The following CAMK1D variants were observed in gnomAD, a reference collection of about 807,000 sequenced individuals.
CAMK1D encodes calcium/calmodulin dependent protein kinase ID, also known as calcium/calmodulin-dependent protein kinase type 1D.
A neutral mutation model predicts 47.7 loss-of-function variants in CAMK1D; 9 were observed. The observed-to-expected ratio is 0.19, with a 90% CI of 0.11 to 0.33. The LOEUF is 0.33. Ranked by LOEUF, CAMK1D falls within the 10% of genes least tolerant of loss-of-function variation. The pLI is 1.00. For synonymous variants in CAMK1D, 184 were observed against 184.9 expected (o/e 0.99, Z 0.04); for missense variants, 291 against 488.7 (o/e 0.60, Z 3.81).
At chr10:12,782,079 A>G (rs1226472687) in intron 5 of CAMK1D, among the ~76,000 whole-genome samples, 2 of 150,476 alleles carry the variant, frequency 1.3e-5, no homozygotes, top group Non-Finnish European at 2.9e-5. Flanking sequence ...GAAGGAGGCT[A>G]TCCCAACAGA....
At chr10:12,572,056 A>C (rs1439592053) in intron 2 of CAMK1D, among the ~76,000 whole-genome samples, 1 of 148,002 alleles carries the variant, frequency 6.8e-6, no homozygotes, top group Non-Finnish European at 1.5e-5. Context: ...CCCAAAAAAA[A>C]AGTTCTGATA....
At chr10:12,726,685 A>C (rs1352427202) in intron 3 of CAMK1D, among the ~76,000 whole-genome samples, 1 of 152,226 alleles carries the variant, frequency 6.6e-6, no homozygotes, top group Admixed American at 6.5e-5. Flanking sequence ...CACTAGTTCC[A>C]TGATGATTGA....
At chr10:12,400,047 T>G (rs1264007895) in intron 1 of CAMK1D, among the ~76,000 whole-genome samples, 1 of 152,106 alleles carries the variant, frequency 6.6e-6, no homozygotes, top group East Asian at 1.9e-4. Context: ...TAATACGGCA[T>G]TCACGGCAAC....
intron 10 of CAMK1D, among the ~76,000 whole-genome samples, chr10:12,828,246 C>T (rs1263730583): frequency 6.6e-6 from 1 of 151,944 alleles, no homozygotes; most frequent in Non-Finnish European, 1.5e-5. Flanking sequence ...GTTAAAATTA[C>T]ACCAAAAAAA....
chr10:12,733,879 A>T (rs151023161), intron 3 of CAMK1D, among the ~76,000 whole-genome samples: 283 of 152,226 alleles, frequency 1.9e-3, no homozygotes, highest in Admixed American at 2.8e-3. Context: ...TTGTATGTAT[A>T]CTCATTTTCT....
At chr10:12,603,512 A>G (rs1838366272) in intron 2 of CAMK1D, among the ~76,000 whole-genome samples, 1 of 152,174 alleles carries the variant, frequency 6.6e-6, no homozygotes, top group South Asian at 2.1e-4. Flanking sequence ...CTGTTGTAAT[A>G]GGTCCTTACC....
intron 3 of CAMK1D, among the ~76,000 whole-genome samples, chr10:12,741,922 G>T (rs1835449738): frequency 6.6e-6 from 1 of 152,152 alleles, no homozygotes; most frequent in African/African-American, 2.4e-5. Flanking sequence ...CCTAGAGAGG[G>T]ATCTTTAGCT....
intron 1 of CAMK1D, among the ~76,000 whole-genome samples, chr10:12,364,182 G>C (rs961807276): frequency 4.0e-5 from 6 of 148,656 alleles, no homozygotes; most frequent in Admixed American, 3.4e-4. Flanking sequence ...CAGGTGAAGA[G>C]GTTGCTAAGA....
chr10:12,806,511 C>T (rs1222777236), intron 6 of CAMK1D, among the ~76,000 whole-genome samples: 25 of 152,252 alleles, frequency 1.6e-4, no homozygotes, highest in Non-Finnish European at 1.6e-4. Context: ...CCACCTGCTC[C>T]ATAGCGTCCA....
intron 2 of CAMK1D, among the ~76,000 whole-genome samples, chr10:12,658,306 CGAA>C (rs1362982220): frequency 6.6e-6 from 1 of 151,736 alleles, no homozygotes; most frequent in Non-Finnish European, 1.5e-5. Context: ...CACTCAGAGA[CGAA>C]GGTGTGCATG....
rs552540713 is a variant in CAMK1D, at chr10:12,690,645, T to G, written c.299+23835T>G. ...AGACGCACAGTTTGTGTGCAGTCTC[T>G]CTAAGCTGGCTGAAACTGGCCTAAG... On this transcript the variant is annotated intron_variant, in intron 3 of 10. Transcript: ENST00000619168. Among the ~76,000 whole-genome samples the G allele has an allele frequency of 3.9e-5, 6 of 152,304 alleles. No homozygotes were observed. The East Asian group carries it at 1.2e-3, about 29-fold the overall frequency.
At chr10:12,527,751 T>C (rs1835674416) in intron 1 of CAMK1D, among the ~76,000 whole-genome samples, 1 of 152,236 alleles carries the variant, frequency 6.6e-6, no homozygotes. Context: ...TGGATACTTC[T>C]TCAACTTTCG....
chr10:12,824,586 T>C, intron 9 of CAMK1D, 34 bp downstream of exon 9: 1 of 1,540,298 alleles, frequency 6.5e-7, no homozygotes, highest in Non-Finnish European at 9.0e-7. Flanking sequence ...CCCCGTGGAT[T>C]AACCCCCTCG....
intron 1 of CAMK1D, among the ~76,000 whole-genome samples, chr10:12,463,783 G>C (rs1247046473): frequency 2.0e-5 from 3 of 151,946 alleles, no homozygotes; most frequent in Admixed American, 1.3e-4. Flanking sequence ...ATAATCCGCA[G>C]GTGTCAAGGG....
intron 1 of CAMK1D, among the ~76,000 whole-genome samples, chr10:12,468,580 C>G (rs1285954431): frequency 6.6e-6 from 1 of 152,092 alleles, no homozygotes; most frequent in Admixed American, 6.5e-5. Context: ...ATGGCATGGA[C>G]AGTAGTAAAA....
At chr10:12,673,206 AATTTTGTTT>A (rs1840687571) in intron 3 of CAMK1D, among the ~76,000 whole-genome samples, 1 of 146,380 alleles carries the variant, frequency 6.8e-6, no homozygotes, top group Non-Finnish European at 1.5e-5. Flanking sequence ...TGCTTGTGGG[AATTTTGTTT>A]GAGCTTACGT....
intron 6 of CAMK1D, among the ~76,000 whole-genome samples, chr10:12,795,515 C>T (rs1321046387): frequency 6.6e-6 from 1 of 152,218 alleles, no homozygotes; most frequent in Non-Finnish European, 1.5e-5. Context: ...CCTCATTCTT[C>T]CCAGCCACTG....
chr10:12,472,593 C>T (rs904054118), intron 1 of CAMK1D, among the ~76,000 whole-genome samples: 17 of 152,070 alleles, frequency 1.1e-4, no homozygotes, highest in African/African-American at 3.1e-4. Flanking sequence ...GACATGATCT[C>T]GGCTCACTGT....
intron 1 of CAMK1D, among the ~76,000 whole-genome samples, chr10:12,416,901 A>C (rs2131956655): frequency 6.6e-6 from 1 of 151,772 alleles, no homozygotes; most frequent in South Asian, 2.1e-4. Flanking sequence ...TTGTTGGTAG[A>C]CTCCCTAAAA....
Sources: gnomAD v4.1 joint callset for allele counts (sites outside exome capture counted in the v4.1 genomes callset) on GRCh38, gnomAD v4.1.1 for gene constraint, MANE v1.5 for transcripts, NCBI Gene and HGNC (gene_info 2026-07-23, HGNC 2026-07-21) for gene names.